The following RAD50 variants were observed in gnomAD, a reference collection of about 807,000 sequenced individuals.
RAD50 encodes the protein RAD50 double strand break repair protein.
In RAD50, 132 loss-of-function variants were observed where a neutral mutation model predicts 168.8. The ratio of observed to expected loss-of-function variants is 0.78; its 90% CI spans 0.68 to 0.90. The LOEUF is 0.90. Among genes scored for constraint, RAD50 ranks in the 40% least tolerant of loss-of-function variants. The probability of loss-of-function intolerance (pLI) is 0.00; values close to 1 mark genes in which losing one functional copy is unlikely to be tolerated. For missense variants in RAD50, 1,347 were observed against 1,534.4 expected (o/e 0.88, Z 2.04); for synonymous variants, 525 against 497.4 (o/e 1.06, Z -0.74).
intron 5 of RAD50, among the ~76,000 whole-genome samples, chr5:132,580,793 C>G (rs143041630): frequency 1.3e-5 from 2 of 152,102 alleles, no homozygotes; most frequent in Admixed American, 1.3e-4. Context: ...AACTGCACCC[C>G]TGTCCTTAAG....
chr5:132,598,069 A>G (rs1392680024), intron 13 of RAD50, among the ~76,000 whole-genome samples: 1 of 147,498 alleles, frequency 6.8e-6, no homozygotes, highest in Admixed American at 6.7e-5. Context: ...TTTTTTTGAG[A>G]CAGAGTTTTG....
rs377466333 is a variant in RAD50, at chr5:132,609,178, A to G, written c.2891A>G (p.Tyr964Cys). The G allele has an allele frequency of 6.2e-7, 1 of 1,611,968 alleles. No individual in the cohort carries two copies. The highest frequency in any genetic ancestry group is 1.7e-5 in the Admixed American group (1 of 59,960). Residue 964 changes from tyrosine to cysteine, a missense_variant, in exon 18 of 25, where the codon TAT (tyrosine) becomes TGT (cysteine). This residue lies in a region of RAD50 where 635 missense variants were observed against 739.2 expected (regional missense o/e 0.86). Transcript: ENST00000378823. The stretch of plus-strand genomic sequence containing the variant: ...GGCTATATGAAAGACATTGAGAATT[A>G]TATTCAAGATGGGAAAGACGACTAT... ...IHGYMKDIEN[Y>C]IQDGKDDYKK...
intron 2 of RAD50, among the ~76,000 whole-genome samples, chr5:132,565,095 C>A (rs764934428): frequency 6.6e-6 from 1 of 152,046 alleles, no homozygotes; most frequent in Non-Finnish European, 1.5e-5. Context: ...CTCATGAGAT[C>A]TGGTTGTTTA....
In RAD50 at chr5:132,580,135, A is replaced by G. The variant is rs186293607; in HGVS notation, c.756+69A>G. The G allele has an allele frequency of 6.3e-5, 83 of 1,326,814 alleles. 1 individual carries two copies. The Admixed American group carries it at 1.2e-3, about 19-fold the overall frequency. The allele number at this position is 1,326,814 out of a possible 1,614,324, so 82.2% of individuals were successfully genotyped here. A position where few individuals can be genotyped will look rare whatever the true frequency, so the allele number is the denominator to read the frequency against. ...ATGGTATACAGCATGATGTTTTGATATAAGTATACATCGTGGACTGGCTAA... is the reference window on the plus strand; with the variant it reads ...ATGGTATACAGCATGATGTTTTGATGTAAGTATACATCGTGGACTGGCTAA... On this transcript the variant is annotated intron_variant, in intron 5 of 24. Coordinates refer to ENST00000378823, the MANE Select transcript of RAD50 (RefSeq NM_005732.4).
rs562817115 is a variant in RAD50 at position 132,587,913 on chromosome 5, G to T, written c.886-11G>T. 52 of 1,611,314 alleles carry T rather than the reference G, an allele frequency of 3.2e-5. No individual in the cohort carries two copies. The highest frequency in any genetic ancestry group is 3.8e-5 in the Non-Finnish European group (45 of 1,177,918). On this transcript the variant is annotated splice_polypyrimidine_tract_variant and intron_variant, in intron 6 of 24. Transcript: ENST00000378823. ...TTGTACATTAAAGCTTTTTATTTTG[G>T]TGTTACACAGGTTTTTCAAGGGACT...
intron 19 of RAD50, 96 bp downstream of exon 19, chr5:132,609,492 A>G (rs763614555): frequency 1.7e-4 from 267 of 1,541,392 alleles, no homozygotes; most frequent in Admixed American, 1.2e-3. Context: ...AAATGCAAAA[A>G]GGAAAGAGGC....
chr5:132,571,611 G>A (rs565344590), intron 2 of RAD50, among the ~76,000 whole-genome samples: 1 of 152,258 alleles, frequency 6.6e-6, no homozygotes, highest in South Asian at 2.1e-4. Flanking sequence ...CCAGCTACTT[G>A]GGGGGCTGAG....
chr5:132,570,184 G>C (rs1580981798), intron 2 of RAD50, among the ~76,000 whole-genome samples: 1 of 152,096 alleles, frequency 6.6e-6, no homozygotes, highest in Non-Finnish European at 1.5e-5. Context: ...AGTGAGGAAG[G>C]CATCCACAAA....
intron 16 of RAD50, among the ~76,000 whole-genome samples, chr5:132,606,860 G>A (rs1261451995): frequency 6.6e-6 from 1 of 152,090 alleles, no homozygotes; most frequent in Non-Finnish European, 1.5e-5. Flanking sequence ...CAGAACCAAA[G>A]ACAAAAACCA....
Position 132,619,269 on chromosome 5 carries a change from C to G in RAD50, c.3389+975C>G, listed in dbSNP as rs1034244203. Among the ~76,000 whole-genome samples the G allele has an allele frequency of 4.6e-5, 7 of 152,134 alleles. No homozygotes were observed. In the East Asian group the frequency reaches 1.3e-3, roughly 29 times the overall value. On this transcript the variant is annotated intron_variant, in intron 21 of 24. Coordinates refer to ENST00000378823, the MANE Select transcript of RAD50 (RefSeq NM_005732.4). The stretch of plus-strand genomic sequence containing the variant: ...TAATATTGTTTTCCAGAAATGACTA[C>G]TGATTTATACCACTAGCAGTATATA...
chr5:132,580,858 G>A (rs1750492091), intron 5 of RAD50, among the ~76,000 whole-genome samples: 1 of 152,098 alleles, frequency 6.6e-6, no homozygotes, highest in Non-Finnish European at 1.5e-5. Flanking sequence ...CTATGTTTTA[G>A]ATAGTAGATT....
At chr5:132,625,881 C>T (rs1751364714) in intron 21 of RAD50, among the ~76,000 whole-genome samples, 1 of 151,958 alleles carries the variant, frequency 6.6e-6, no homozygotes, top group Admixed American at 6.6e-5. Flanking sequence ...GGCTGAATAG[C>T]ACTCCATTGT....
Position 132,579,889 on chromosome 5 carries a change from G to A in RAD50, c.579G>A (p.Arg193=), listed in dbSNP as rs1554097802. ...ACATTAAAGCCTTAGAAACACTTCG[G>A]CAGGTACGTCAGACACAAGGTCAGA... ...TRYIKALETL[R]QVRQTQGQKV... Residue 193 remains arginine, a synonymous_variant, in exon 5 of 25, where the codon CGG becomes CGA. Transcript: ENST00000378823. The A allele has an allele frequency of 1.2e-6, 2 of 1,612,648 alleles. No individual in the cohort carries two copies. The highest frequency in any genetic ancestry group is 2.7e-5 in the African/African-American group (2 of 74,922).
intron 15 of RAD50, 47 bp downstream of exon 15, chr5:132,604,093 C>A: frequency 6.2e-7 from 1 of 1,601,798 alleles, no homozygotes; most frequent in South Asian, 1.1e-5. Flanking sequence ...TTTGACATTG[C>A]GAGCACATGC....
chr5:132,639,785 C>CAGTT (rs1751677020), intron 23 of RAD50, among the ~76,000 whole-genome samples: 1 of 152,178 alleles, frequency 6.6e-6, no homozygotes, highest in South Asian at 2.1e-4. Flanking sequence ...GAGTTGACAG[C>CAGTT]AGTTTGGATT....
intron 6 of RAD50, 33 bp downstream of exon 6, chr5:132,587,723 A>G (rs1750620456): frequency 6.2e-7 from 1 of 1,613,060 alleles, no homozygotes; most frequent in Non-Finnish European, 8.5e-7. Context: ...TCTGCTTCAA[A>G]ATTTTGGGAT....
intron 12 of RAD50, 44 bp from the exon 13 acceptor site, chr5:132,595,529 A>T: frequency 7.7e-7 from 1 of 1,305,296 alleles, no homozygotes. Context: ...ACTGTATTTT[A>T]TGTTTTTTTC....
chr5:132,601,788 T>C (rs1581000145), intron 13 of RAD50, among the ~76,000 whole-genome samples: 1 of 152,156 alleles, frequency 6.6e-6, no homozygotes, highest in East Asian at 1.9e-4. Context: ...ATGGAGTAAC[T>C]ATGCAGCCAT....
chr5:132,638,030 A>G, intron 22 of RAD50, 51 bp from the exon 23 acceptor site: 1 of 1,587,842 alleles, frequency 6.3e-7, no homozygotes, highest in Non-Finnish European at 8.6e-7. Context: ...TGTAAATGAC[A>G]AAAGGCTACA....
Sources: allele counts gnomAD v4.1 joint callset (sites outside exome capture counted in the v4.1 genomes callset), GRCh38; gene constraint gnomAD v4.1.1; regional missense constraint gnomAD v4.1.1; transcripts MANE v1.5; gene names NCBI Gene and HGNC (gene_info 2026-07-23, HGNC 2026-07-21).